RNF144A: variants seen among roughly 807,000 people sequenced by gnomAD.
The protein encoded by RNF144A is E3 ubiquitin-protein ligase RNF144A.
Under a neutral mutation model 38.7 loss-of-function variants are expected in RNF144A, and 11 were observed. The ratio of observed to expected loss-of-function variants is 0.28; its 90% CI spans 0.18 to 0.47. The LOEUF is 0.47. RNF144A is among the 20% of genes least tolerant of loss of function. RNF144A has a pLI of 0.99. For synonymous variants in RNF144A, 149 were observed against 143.9 expected (o/e 1.04, Z -0.25); for missense variants, 316 against 377.2 (o/e 0.84, Z 1.34).
At chr2:6,934,012 A>G (rs1665385374) in intron 1 of RNF144A, among the ~76,000 whole-genome samples, 1 of 151,912 alleles carries the variant, frequency 6.6e-6, no homozygotes, top group Non-Finnish European at 1.5e-5. Context: ...TCACCAATGT[A>G]TCTCTTGAGT....
In RNF144A at chr2:6,962,386, A is replaced by G. The variant is rs1052429829; in HGVS notation, c.-12+21239A>G. Among the ~76,000 whole-genome samples the G allele has an allele frequency of 6.6e-6, 1 of 152,216 alleles. No individual in the cohort carries two copies. The highest frequency in any genetic ancestry group is 1.5e-5 in the Non-Finnish European group (1 of 68,040). ...CCTTTTCTATGGTGCAGCTGCTGGC[A>G]TCCCCCATAGAAGTTTCTGGCTTCC... On this transcript the variant is annotated intron_variant, in intron 2 of 8. Transcript: ENST00000320892. This position sits in a 1 kb window ranked among gnomAD's most constrained non-coding sequence, Gnocchi z 4.1.
At chr2:7,014,860 T>C in intron 5 of RNF144A, 88 bp downstream of exon 5, 1 of 911,628 alleles carries the variant, frequency 1.1e-6, no homozygotes, top group Non-Finnish European at 1.8e-6. Flanking sequence ...TAGATATGGT[T>C]ATACAGCATT....
intron 7 of RNF144A, among the ~76,000 whole-genome samples, chr2:7,028,819 C>T (rs1672089504): frequency 6.6e-6 from 1 of 152,162 alleles, no homozygotes; most frequent in African/African-American, 2.4e-5. Context: ...CCTTTCCTCT[C>T]ACAGATGGGG....
At chr2:6,936,974 G>T (rs1221580616) in intron 1 of RNF144A, among the ~76,000 whole-genome samples, 1 of 151,990 alleles carries the variant, frequency 6.6e-6, no homozygotes, top group Non-Finnish European at 1.5e-5. Context: ...ACTCCTATGT[G>T]CTGTCTGAGC....
At chr2:6,947,667 G>A (rs1008543344) in intron 2 of RNF144A, among the ~76,000 whole-genome samples, 3 of 152,188 alleles carry the variant, frequency 2.0e-5, no homozygotes, top group Non-Finnish European at 4.4e-5. Flanking sequence ...GCAACTGGGG[G>A]CATGCAAAGG....
At chr2:6,968,404 A>G (rs1667801777) in intron 2 of RNF144A, among the ~76,000 whole-genome samples, 1 of 152,164 alleles carries the variant, frequency 6.6e-6, no homozygotes, top group Admixed American at 6.5e-5. Context: ...GTTAGAACAG[A>G]CTCCTAGTGG....
At chr2:6,980,167 G>A (rs1668544411) in intron 2 of RNF144A, among the ~76,000 whole-genome samples, 1 of 152,182 alleles carries the variant, frequency 6.6e-6, no homozygotes, top group African/African-American at 2.4e-5. Flanking sequence ...GGATTTGGGT[G>A]GGGATGCAGA....
intron 3 of RNF144A, among the ~76,000 whole-genome samples, chr2:6,997,270 T>G (rs960576875): frequency 3.9e-5 from 6 of 152,238 alleles, no homozygotes; most frequent in African/African-American, 1.4e-4. Context: ...TTGCTTGTGG[T>G]GCAAAAGCAA....
intron 3 of RNF144A, among the ~76,000 whole-genome samples, chr2:7,012,104 G>A (rs777089780): frequency 6.6e-6 from 1 of 152,116 alleles, no homozygotes; most frequent in Admixed American, 6.5e-5. Flanking sequence ...CTTCAGCATC[G>A]TATATTGGTT....
At chr2:7,027,706 A>G (rs531849693) in intron 7 of RNF144A, among the ~76,000 whole-genome samples, 6 of 152,322 alleles carry the variant, frequency 3.9e-5, no homozygotes, top group Admixed American at 1.3e-4. Context: ...CCGGAGTTCA[A>G]TGGAACTTTT....
At chr2:6,936,376 C>A (rs553661011) in intron 1 of RNF144A, among the ~76,000 whole-genome samples, 1 of 152,158 alleles carries the variant, frequency 6.6e-6, no homozygotes, top group African/African-American at 2.4e-5. Flanking sequence ...CACACGTATA[C>A]ACATACATGC....
chr2:6,992,076 G>A (rs1412417310), intron 2 of RNF144A, among the ~76,000 whole-genome samples: 2 of 152,300 alleles, frequency 1.3e-5, no homozygotes, highest in African/African-American at 2.4e-5. Flanking sequence ...TTGTAGACAG[G>A]ACAGCTGAGT....
downstream of RNF144A, among the ~76,000 whole-genome samples, chr2:7,046,143 A>G (rs137923884): frequency 4.2e-3 from 646 of 152,330 alleles, 10 homozygotes; most frequent in African/African-American, 0.015. Context: ...CAGGAGGTAC[A>G]TGAGAGATTA....
At chr2:6,947,100 A>G (rs1384427288) in intron 2 of RNF144A, among the ~76,000 whole-genome samples, 4 of 152,192 alleles carry the variant, frequency 2.6e-5, no homozygotes, top group African/African-American at 9.6e-5. Flanking sequence ...TATTATAGCT[A>G]TAAAAGTGAA....
In RNF144A at chr2:6,943,219, G is replaced by A. The variant is rs971946835; in HGVS notation, c.-12+2072G>A. Among the ~76,000 whole-genome samples, 4 of 152,192 alleles carry A rather than the reference G, an allele frequency of 2.6e-5. No homozygotes were observed. Among genetic ancestry groups the A allele is most frequent in the African/African-American group, 9.6e-5 (4 of 41,466 alleles). ...GGAGTTGTAAGGACTGGGCCCTGGGGCATTCTAGCTTCATGAGGAGCAGAA... is the reference window on the plus strand; with the variant it reads ...GGAGTTGTAAGGACTGGGCCCTGGGACATTCTAGCTTCATGAGGAGCAGAA... On this transcript the variant is annotated intron_variant, in intron 2 of 8. Coordinates refer to ENST00000320892, the MANE Select transcript of RNF144A (RefSeq NM_014746.6). This position sits in a 1 kb window ranked among gnomAD's most constrained non-coding sequence, Gnocchi z 4.3.
At chr2:6,955,534 A>G (rs950869687) in intron 2 of RNF144A, among the ~76,000 whole-genome samples, 1 of 152,116 alleles carries the variant, frequency 6.6e-6, no homozygotes, top group East Asian at 1.9e-4. Context: ...CATTTCCACA[A>G]CTAAATAGAG....
chr2:6,999,041 T>C (rs1669936331), intron 3 of RNF144A, among the ~76,000 whole-genome samples: 1 of 152,246 alleles, frequency 6.6e-6, no homozygotes, highest in South Asian at 2.1e-4. Flanking sequence ...CTTAGTTTTC[T>C]ATTTCTAGAG....
intron 2 of RNF144A, among the ~76,000 whole-genome samples, chr2:6,967,502 G>T (rs1357235732): frequency 6.6e-6 from 1 of 152,158 alleles, no homozygotes; most frequent in African/African-American, 2.4e-5. Flanking sequence ...CTCGCCCTGT[G>T]GCACCCTGCC....
intron 1 of RNF144A, among the ~76,000 whole-genome samples, chr2:6,937,935 C>T (rs1665698605): frequency 6.6e-6 from 1 of 152,294 alleles, no homozygotes; most frequent in Middle Eastern, 3.4e-3. Flanking sequence ...ATGGGCCTGT[C>T]CACCAGGCTG....
Sources: gnomAD v4.1 joint callset for allele counts (sites outside exome capture counted in the v4.1 genomes callset) on GRCh38, gnomAD v4.1.1 for gene constraint, Gnocchi (gnomAD v3.1) non-coding constraint, MANE v1.5 for transcripts, NCBI Gene and HGNC (gene_info 2026-07-23, HGNC 2026-07-21) for gene names.